P4HA3: variants seen among roughly 807,000 people sequenced by gnomAD.
The protein encoded by P4HA3 is prolyl 4-hydroxylase subunit alpha-3.
P4HA3 carries 60 observed loss-of-function variants against 66.7 expected under a neutral mutation model. The ratio of observed to expected loss-of-function variants is 0.90; its 90% CI spans 0.73 to 1.12. The LOEUF is 1.12. P4HA3 is among the 50% of genes most tolerant of loss of function. P4HA3 has a pLI of 0.00. For synonymous variants in P4HA3, 263 were observed against 274.6 expected (o/e 0.96, Z 0.42); for missense variants, 683 against 685.8 (o/e 1.00, Z 0.05).
Position 74,251,949 on chromosome 11 carries a change from A to C in P4HA3, c.*1319-3948T>G, listed in dbSNP as rs532390148. The C allele has an allele frequency of 9.8e-6, 7 of 711,526 alleles. No individual in the cohort carries two copies. In the East Asian group the frequency reaches 1.4e-4, roughly 14 times the overall value. The allele number at this position is 711,526 out of a possible 1,614,324, so 44.1% of individuals were successfully genotyped here. ...CTGAGGCTGTGATTAAATTGTGCCT[A>C]GTCTCACTCCCCACTGTGATGTGCA... is the stretch of plus-strand genomic sequence containing the variant. On this transcript the variant is annotated intron_variant and NMD_transcript_variant, in intron 15 of 15. Transcript: ENST00000524388.
At chr11:74,290,685 C>A (rs1555089097) in intron 4 of P4HA3, among the ~76,000 whole-genome samples, 1 of 152,100 alleles carries the variant, frequency 6.6e-6, no homozygotes, top group Non-Finnish European at 1.5e-5. Flanking sequence ...TTCCCAGCAC[C>A]ATTTATTAAA....
chr11:74,271,531 C>CT (rs546016215), intron 10 of P4HA3, among the ~76,000 whole-genome samples: 2,636 of 148,986 alleles, frequency 0.018, 34 homozygotes, highest in Non-Finnish European at 0.025. Context: ...TGGGGCTGAT[C>CT]TTTTTTTTTT....
intron 2 of P4HA3, 78 bp from the exon 3 acceptor site, chr11:74,302,670 C>A (rs541849389): frequency 7.7e-7 from 1 of 1,291,890 alleles, no homozygotes; most frequent in South Asian, 1.4e-5. Flanking sequence ...GGCATGACCA[C>A]CTGTTCAAAT....
intron 8 of P4HA3, 34 bp downstream of exon 8, chr11:74,279,354 G>A: frequency 5.6e-6 from 9 of 1,601,828 alleles, no homozygotes; most frequent in Non-Finnish European, 7.7e-6. Flanking sequence ...CCGAGGGTGG[G>A]CAGCAGGTAT....
intron 4 of P4HA3, among the ~76,000 whole-genome samples, chr11:74,293,142 C>T (rs1396063758): frequency 6.6e-6 from 1 of 152,016 alleles, no homozygotes; most frequent in South Asian, 2.1e-4. Flanking sequence ...GTATTGGGTG[C>T]ATATATATTT....
intron 15 of P4HA3, chr11:74,250,696 C>G (rs920431845): frequency 3.6e-5 from 16 of 440,796 alleles, no homozygotes; most frequent in Middle Eastern, 6.1e-4. Flanking sequence ...AGGACAAGAA[C>G]TGTTTCTTCT....
intron 7 of P4HA3, among the ~76,000 whole-genome samples, 183 bp from the exon 8 acceptor site, chr11:74,279,635 T>G (rs1465978937): frequency 6.6e-6 from 1 of 152,174 alleles, no homozygotes; most frequent in African/African-American, 2.4e-5. Flanking sequence ...AAATAAAAGA[T>G]CATAAGTGAC....
intron 11 of P4HA3, among the ~76,000 whole-genome samples, chr11:74,269,308 A>G (rs912223722): frequency 3.3e-5 from 5 of 152,170 alleles, no homozygotes; most frequent in African/African-American, 9.7e-5. Context: ...CTAGCTCTCA[A>G]TGTGGACTGA....
chr11:74,301,407 G>A (rs1371190967), intron 3 of P4HA3, among the ~76,000 whole-genome samples: 1 of 152,048 alleles, frequency 6.6e-6, no homozygotes, highest in Non-Finnish European at 1.5e-5. Flanking sequence ...ACTTTACCTG[G>A]CTTAAATTTA....
chr11:74,255,457 T>C (rs1314882536), intron 15 of P4HA3, among the ~76,000 whole-genome samples: 1 of 152,100 alleles, frequency 6.6e-6, no homozygotes, highest in Non-Finnish European at 1.5e-5. Context: ...GGGGCCAGAG[T>C]GTCTAAATTA....
At chr11:74,293,775 C>T (rs1290941764) in intron 4 of P4HA3, among the ~76,000 whole-genome samples, 3 of 152,266 alleles carry the variant, frequency 2.0e-5, no homozygotes, top group Middle Eastern at 6.8e-3. Context: ...AATATTGGTC[C>T]CCACTCTCTT....
chr11:74,265,226 T>C (rs1232013086), downstream of P4HA3, among the ~76,000 whole-genome samples: 1 of 152,180 alleles, frequency 6.6e-6, no homozygotes, highest in Non-Finnish European at 1.5e-5. Context: ...CTGTCTCGTC[T>C]CAGGCCTGTT....
chr11:74,298,406 T>C (rs766277071), intron 3 of P4HA3, 45 bp from the exon 4 acceptor site: 2 of 1,569,718 alleles, frequency 1.3e-6, no homozygotes, highest in Non-Finnish European at 1.7e-6. Flanking sequence ...ATTCCACAGG[T>C]AGAAAAAGAA....
At chr11:74,289,047 T>C in intron 5 of P4HA3, 32 bp downstream of exon 5, 1 of 1,478,002 alleles carries the variant, frequency 6.8e-7, no homozygotes, top group Non-Finnish European at 9.0e-7. Flanking sequence ...AAATCAGACC[T>C]GTGGCTGGCT....
At chr11:74,289,842 G>A (rs141528728) in intron 4 of P4HA3, among the ~76,000 whole-genome samples, 2,303 of 151,982 alleles carry the variant, frequency 0.015, 67 homozygotes, top group African/African-American at 0.053. Context: ...CCAGTCTATC[G>A]TTGTTGGACA....
intron 7 of P4HA3, among the ~76,000 whole-genome samples, chr11:74,280,348 C>T (rs892302241): frequency 8.6e-5 from 13 of 151,712 alleles, no homozygotes; most frequent in Non-Finnish European, 1.8e-4. Context: ...TTTGTAGATA[C>T]GGGGTCTTGT....
At position 74,269,729 on chromosome 11, in the gene P4HA3, C is replaced by T; in HGVS notation, c.1399-9G>A. 6.2e-7 allele frequency: 1 copy of T among 1,613,586 alleles called. No homozygotes were observed. Among genetic ancestry groups the T allele is most frequent in the Non-Finnish European group, 8.5e-7 (1 of 1,179,728 alleles). ...GCTTCCACCGAGCTCAGCTACAAGA[C>T]CAGAGGAAGAAGCCAGAGTTAAAAC... On this transcript the variant is annotated splice_polypyrimidine_tract_variant and intron_variant, in intron 10 of 12. Coordinates refer to ENST00000331597, the MANE Select transcript of P4HA3 (RefSeq NM_182904.5).
intron 7 of P4HA3, among the ~76,000 whole-genome samples, chr11:74,283,443 A>G (rs1389621518): frequency 6.6e-6 from 1 of 152,212 alleles, no homozygotes; most frequent in Non-Finnish European, 1.5e-5. Context: ...AGGGGCTTTT[A>G]GATGAAATGA....
At chr11:74,262,698 G>T (rs112411668), downstream of P4HA3, among the ~76,000 whole-genome samples, 66 of 152,256 alleles carry the variant, frequency 4.3e-4, no homozygotes, top group African/African-American at 1.4e-3. Context: ...GCCCTTAGCC[G>T]ATTTCATAGT....
Sources: gnomAD v4.1 joint callset for allele counts (sites outside exome capture counted in the v4.1 genomes callset) on GRCh38, gnomAD v4.1.1 for gene constraint, MANE v1.5 for transcripts, NCBI Gene and HGNC (gene_info 2026-07-23, HGNC 2026-07-21) for gene names.